SLC23A2: variants seen among roughly 807,000 people sequenced by gnomAD.
The protein encoded by SLC23A2 is solute carrier family 23 member 2, also known as Na(+)/L-ascorbic acid transporter 2.
In SLC23A2, 36 loss-of-function variants were observed where a neutral mutation model predicts 73.3. The ratio of observed to expected loss-of-function variants is 0.49; its 90% CI spans 0.38 to 0.65. The LOEUF is 0.65. Ranked by LOEUF, SLC23A2 falls within the 30% of genes least tolerant of loss-of-function variation. The pLI is 0.00. For missense variants in SLC23A2, 507 were observed against 841.6 expected (o/e 0.60, Z 4.92); for synonymous variants, 343 against 327.3 (o/e 1.05, Z -0.52).
intron 4 of SLC23A2, among the ~76,000 whole-genome samples, chr20:4,911,057 T>C (rs1484937362): frequency 6.6e-6 from 1 of 152,144 alleles, no homozygotes. Flanking sequence ...TCTGAAAACA[T>C]GACAGCCTGG....
intron 1 of SLC23A2, among the ~76,000 whole-genome samples, chr20:4,978,270 T>A (rs1242139922): frequency 1.3e-5 from 2 of 152,240 alleles, no homozygotes; most frequent in East Asian, 3.8e-4. Flanking sequence ...GTTCTATTTT[T>A]CCCTTCATAA....
rs1011667246 is a variant in SLC23A2, at chr20:4,998,561, G to C, written c.-282+2845C>G. ...TTCCCTACAGAAAGAATAAAAGCAA[G>C]CCCAGAGAACAACTGGAGGAATAGC... On this transcript the variant is annotated intron_variant, in intron 1 of 16. Coordinates refer to ENST00000338244, the MANE Select transcript of SLC23A2 (RefSeq NM_005116.6). The surrounding 1 kb of genome is among the most constrained non-coding windows in gnomAD (Gnocchi z 4.1). Among the ~76,000 whole-genome samples the C allele has an allele frequency of 2.6e-5, 4 of 151,820 alleles. No individual in the cohort carries two copies. The highest frequency in any genetic ancestry group is 5.9e-5 in the Non-Finnish European group (4 of 67,978).
chr20:4,860,116 C>T (rs1050975428), intron 15 of SLC23A2, among the ~76,000 whole-genome samples: 1 of 152,208 alleles, frequency 6.6e-6, no homozygotes, highest in Non-Finnish European at 1.5e-5. Flanking sequence ...AATTATTCCA[C>T]TCTTAGGTAT....
chr20:4,937,619 G>C (rs2086980395), intron 2 of SLC23A2, among the ~76,000 whole-genome samples: 1 of 152,200 alleles, frequency 6.6e-6, no homozygotes, highest in African/African-American at 2.4e-5. Context: ...CTTCAGAGAA[G>C]TCAAATAACT....
chr20:4,950,191 G>A (rs1050552516), intron 2 of SLC23A2, among the ~76,000 whole-genome samples: 8 of 152,152 alleles, frequency 5.3e-5, no homozygotes, highest in Non-Finnish European at 8.8e-5. Context: ...CTGAGAATAC[G>A]TCTCAAACCT....
chr20:4,906,619 CA>C (rs1363202782), intron 4 of SLC23A2, among the ~76,000 whole-genome samples: 41 of 151,354 alleles, frequency 2.7e-4, no homozygotes, highest in African/African-American at 9.7e-4. Context: ...CACTCTGTCT[CA>C]AAAAAACAAA....
chr20:4,938,334 C>CTTTTT (rs752802054), intron 2 of SLC23A2, among the ~76,000 whole-genome samples: 1 of 124,906 alleles, frequency 8.0e-6, no homozygotes, highest in Admixed American at 8.1e-5. Context: ...CTCATTCCAT[C>CTTTTT]TTTTTTTTTT....
chr20:5,009,268 T>C (rs74605850), intron 1 of SLC23A2, among the ~76,000 whole-genome samples: 2,638 of 152,216 alleles, frequency 0.017, 80 homozygotes, highest in African/African-American at 0.06. Context: ...GTGTTGGGGA[T>C]AAGGAGAGTG....
At chr20:4,878,498 A>G (rs73599324) in intron 9 of SLC23A2, among the ~76,000 whole-genome samples, 13,794 of 152,122 alleles carry the variant, frequency 0.091, 1,525 homozygotes, top group African/African-American at 0.27. Context: ...TTTTTAATTC[A>G]GTGGTTTCTG....
At chr20:4,939,207 A>G (rs571198335) in intron 2 of SLC23A2, among the ~76,000 whole-genome samples, 33 of 152,208 alleles carry the variant, frequency 2.2e-4, no homozygotes, top group Middle Eastern at 3.4e-3. Context: ...TCTTACCTCC[A>G]CCCCTGGTGC....
intron 6 of SLC23A2, among the ~76,000 whole-genome samples, chr20:4,895,780 T>C (rs1279804286): frequency 7.2e-5 from 11 of 152,328 alleles, no homozygotes; most frequent in Middle Eastern, 3.4e-3. Context: ...TCTGGCAGTA[T>C]TGATCTTGGT....
chr20:5,004,763 G>T (rs1404333114), upstream of SLC23A2, among the ~76,000 whole-genome samples: 1 of 152,184 alleles, frequency 6.6e-6, no homozygotes, highest in Non-Finnish European at 1.5e-5. Flanking sequence ...ACTTTGGGAG[G>T]CCGAGGCAGG....
At position 4,896,164 on chromosome 20, in the gene SLC23A2, G is replaced by A. The variant is rs181459076; in HGVS notation, c.482+3391C>T. Among the ~76,000 whole-genome samples the A allele has an allele frequency of 1.3e-3, 199 of 152,240 alleles. 3 individuals carry two copies. Among genetic ancestry groups the A allele is most frequent in the Middle Eastern group, 6.8e-3 (2 of 294 alleles). ...GGGGTGCAGCAAACGTGCCCCCCAC[G>A]GTGACTGGCCAGTCAAGGGGGGAAC... On this transcript the variant is annotated intron_variant, in intron 6 of 16. Coordinates refer to ENST00000338244, the MANE Select transcript of SLC23A2 (RefSeq NM_005116.6).
chr20:4,903,616 T>C (rs1261576782), intron 4 of SLC23A2, among the ~76,000 whole-genome samples: 1 of 152,172 alleles, frequency 6.6e-6, no homozygotes, highest in Non-Finnish European at 1.5e-5. Context: ...CCCAATACCC[T>C]TAAACAAAAG....
chr20:4,875,951 G>A (rs1280936950), intron 9 of SLC23A2, among the ~76,000 whole-genome samples: 2 of 152,176 alleles, frequency 1.3e-5, no homozygotes, highest in Non-Finnish European at 2.9e-5. Flanking sequence ...AATGAGGTGT[G>A]GATGGCAGCC....
intron 3 of SLC23A2, among the ~76,000 whole-genome samples, chr20:4,913,649 C>T (rs1600127969): frequency 2.0e-5 from 3 of 151,758 alleles, no homozygotes; most frequent in South Asian, 2.1e-4. Flanking sequence ...GTTTTTGAGA[C>T]GATGTCGCGC....
intron 6 of SLC23A2, among the ~76,000 whole-genome samples, chr20:4,888,433 A>G (rs1415917607): frequency 6.6e-6 from 1 of 152,240 alleles, no homozygotes; most frequent in Non-Finnish European, 1.5e-5. Flanking sequence ...GGGTTTCTGC[A>G]GCTAGAAATT....
chr20:4,897,904 G>C (rs191986575), intron 6 of SLC23A2, among the ~76,000 whole-genome samples: 2 of 152,320 alleles, frequency 1.3e-5, no homozygotes, highest in African/African-American at 4.8e-5. Flanking sequence ...AATTCACAGA[G>C]GGATTATGCC....
chr20:5,004,416 T>C (rs1205069919), upstream of SLC23A2, among the ~76,000 whole-genome samples: 1 of 152,170 alleles, frequency 6.6e-6, no homozygotes, highest in Non-Finnish European at 1.5e-5. Flanking sequence ...CTTGGACTGT[T>C]AACCATCGAA....
Sources: allele counts gnomAD v4.1 joint callset (sites outside exome capture counted in the v4.1 genomes callset), GRCh38; gene constraint gnomAD v4.1.1; non-coding constraint Gnocchi (gnomAD v3.1); transcripts MANE v1.5; gene names NCBI Gene and HGNC (gene_info 2026-07-23, HGNC 2026-07-21).